Variants in COL11A1 observed in about 807,000 individuals in gnomAD.
The protein encoded by COL11A1 is collagen alpha-1(XI) chain.
A neutral mutation model predicts 265.2 loss-of-function variants in COL11A1; 74 were observed. The ratio of observed to expected loss-of-function variants is 0.28; its 90% CI spans 0.23 to 0.34. The LOEUF (loss-of-function observed/expected upper bound fraction) is 0.34. Ranked by LOEUF, COL11A1 falls within the 10% of genes least tolerant of loss-of-function variation. COL11A1 has a pLI of 1.00. For synonymous variants in COL11A1, 816 were observed against 727.6 expected (o/e 1.12, Z -1.96); for missense variants, 2,165 against 2,263.6 (o/e 0.96, Z 0.88).
intron 43 of COL11A1, 66 bp from the exon 44 acceptor site, chr1:102,939,154 CA>C: frequency 1.5e-6 from 2 of 1,366,294 alleles, no homozygotes; most frequent in Admixed American, 1.7e-5. Flanking sequence ...TAATTATCAT[CA>C]AACAGTTAAA....
chr1:103,021,102 C>T (rs1204562428), intron 9 of COL11A1, among the ~76,000 whole-genome samples: 1 of 148,594 alleles, frequency 6.7e-6, no homozygotes, highest in East Asian at 2.0e-4. Flanking sequence ...ATTAGTTTTT[C>T]TGAATTGTTT....
chr1:103,014,182 A>G (rs1355731161), intron 13 of COL11A1, among the ~76,000 whole-genome samples: 1 of 152,092 alleles, frequency 6.6e-6, no homozygotes, highest in Admixed American at 6.6e-5. Flanking sequence ...TAGCAGAGTA[A>G]AACTGGATGT....
chr1:102,926,193 C>T (rs1656580019), intron 46 of COL11A1, among the ~76,000 whole-genome samples: 2 of 152,080 alleles, frequency 1.3e-5, no homozygotes, highest in Admixed American at 6.6e-5. Context: ...TGGAACTAAA[C>T]ACTCTGAAAA....
chr1:103,100,014 T>A (rs1209873420), intron 1 of COL11A1: 1 of 151,790 alleles, frequency 6.6e-6, no homozygotes, highest in Non-Finnish European at 1.5e-5. Context: ...AGTTACTATA[T>A]CAATGCTGTG....
Position 102,888,648 on chromosome 1 carries a change from G to C in COL11A1, c.4555-18C>G, listed in dbSNP as rs1651326701. 6.2e-7 allele frequency: 1 copy of C among 1,613,874 alleles called. No individual in the cohort carries two copies. Among genetic ancestry groups the C allele is most frequent in the Non-Finnish European group, 8.5e-7 (1 of 1,179,826 alleles). On this transcript the variant is annotated intron_variant, in intron 61 of 66. Coordinates refer to ENST00000370096, the MANE Select transcript of COL11A1 (RefSeq NM_001854.4). Reference sequence around the variant, plus strand: ...GCGGGTCCCTGTTAGAAAGAAGAGAGAGGACATAAATAAAGAAGAGGCAAT... The same window carrying C: ...GCGGGTCCCTGTTAGAAAGAAGAGACAGGACATAAATAAAGAAGAGGCAAT...
Position 102,940,356 on chromosome 1 carries a change from C to T in COL11A1, c.3355G>A (p.Ala1119Thr), listed in dbSNP as rs777782226. The change falls in exon 43 of 67, where the codon GCC becomes ACC. Residue 1119 changes from alanine to threonine, a missense_variant. Transcript: ENST00000370096. ...TCTCCGTCTTCCCCAGGGGAGCCGG[C>T]AGGACCAGCTGGCCCTGGGAGACCA... ...PVGLPGPAGP[A>T]GSPGEDGDKG... 1 of 1,613,982 alleles carries T rather than the reference C, an allele frequency of 6.2e-7. No homozygotes were observed.
At chr1:103,038,999 G>A (rs1476346363) in intron 4 of COL11A1, among the ~76,000 whole-genome samples, 1 of 152,138 alleles carries the variant, frequency 6.6e-6, no homozygotes, top group Non-Finnish European at 1.5e-5. Context: ...AGCAATGGTA[G>A]GATGGCAAAG....
intron 55 of COL11A1, 40 bp downstream of exon 55, chr1:102,898,901 A>C: frequency 9.9e-7 from 1 of 1,014,198 alleles, no homozygotes; most frequent in East Asian, 3.3e-5. Context: ...TGTATATATA[A>C]TATATAATAT....
chr1:103,085,227 C>G (rs138876837), intron 1 of COL11A1, among the ~76,000 whole-genome samples: 57 of 152,286 alleles, frequency 3.7e-4, no homozygotes, highest in African/African-American at 1.3e-3. Context: ...TATTTGATAA[C>G]AATTTGTATT....
At chr1:102,941,764 C>T (rs1658747344) in intron 42 of COL11A1, among the ~76,000 whole-genome samples, 1 of 152,148 alleles carries the variant, frequency 6.6e-6, no homozygotes, top group African/African-American at 2.4e-5. Context: ...CTATTACATT[C>T]CATTCATATG....
At chr1:103,086,501 C>T (rs1672874878) in intron 1 of COL11A1, among the ~76,000 whole-genome samples, 1 of 152,156 alleles carries the variant, frequency 6.6e-6, no homozygotes, top group Admixed American at 6.5e-5. Flanking sequence ...GCTGCAAGCC[C>T]CGCCTCCCAG....
intron 4 of COL11A1, among the ~76,000 whole-genome samples, chr1:103,062,805 TA>T (rs1261897052): frequency 8.6e-5 from 13 of 151,904 alleles, no homozygotes; most frequent in Admixed American, 7.9e-4. Flanking sequence ...AGAGAAAAAT[TA>T]AACTTTTCCA....
intron 1 of COL11A1, among the ~76,000 whole-genome samples, chr1:103,097,905 A>G (rs535552137): frequency 5.3e-4 from 81 of 152,088 alleles, no homozygotes; most frequent in African/African-American, 1.9e-3. Context: ...CAGTTATTGA[A>G]CAGACTCAAT....
At chr1:103,007,516 TA>T (rs1368009796) in intron 15 of COL11A1, among the ~76,000 whole-genome samples, 1 of 152,090 alleles carries the variant, frequency 6.6e-6, no homozygotes, top group African/African-American at 2.4e-5. Flanking sequence ...AAAATATAAA[TA>T]ATTTTTATAA....
At chr1:103,107,026 C>T (rs1674745033) in intron 1 of COL11A1, among the ~76,000 whole-genome samples, 1 of 152,200 alleles carries the variant, frequency 6.6e-6, no homozygotes, top group Non-Finnish European at 1.5e-5. Flanking sequence ...GCTGTCTGGG[C>T]TCCCTGACCT....
Position 102,877,932 on chromosome 1 carries a change from C to T in COL11A1, c.*87G>A. 7.2e-7 allele frequency: 1 copy of T among 1,386,584 alleles called. No individual in the cohort carries two copies. The allele number at this position is 1,386,584 out of a possible 1,614,324, so 85.9% of individuals were successfully genotyped here. The stretch of plus-strand genomic sequence containing the variant: ...ATGCAGCGTTGTTTTCTATACCATC[C>T]TTATTCAAAACTTGCATGTGGCACA... On this transcript the variant is annotated 3_prime_UTR_variant, in exon 67 of 67. Coordinates refer to ENST00000370096, the MANE Select transcript of COL11A1 (RefSeq NM_001854.4).
chr1:102,908,236 T>G (rs1038637640), intron 54 of COL11A1, among the ~76,000 whole-genome samples: 1 of 152,238 alleles, frequency 6.6e-6, no homozygotes, highest in Non-Finnish European at 1.5e-5. Flanking sequence ...CTATTGTTTT[T>G]TCTTGCTATT....
At chr1:103,049,349 T>C (rs967449456) in intron 4 of COL11A1, among the ~76,000 whole-genome samples, 40 of 152,330 alleles carry the variant, frequency 2.6e-4, no homozygotes, top group African/African-American at 8.2e-4. Context: ...TTTACCATTA[T>C]GTAATGGCCT....
chr1:103,011,931 A>C (rs980550160), intron 14 of COL11A1, among the ~76,000 whole-genome samples: 41 of 152,264 alleles, frequency 2.7e-4, no homozygotes, highest in African/African-American at 9.6e-4. Context: ...TACAAGAGAA[A>C]ATACTCTCTC....
Sources: gnomAD v4.1 joint callset for allele counts (sites outside exome capture counted in the v4.1 genomes callset) on GRCh38, gnomAD v4.1.1 for gene constraint, MANE v1.5 for transcripts, NCBI Gene and HGNC (gene_info 2026-07-23, HGNC 2026-07-21) for gene names.